The following NSUN3 variants were observed in gnomAD, a reference collection of about 807,000 sequenced individuals.
NSUN3 encodes the protein NOP2/Sun RNA methyltransferase 3.
In NSUN3, 24 loss-of-function variants were observed where a neutral mutation model predicts 36.8. That is an observed-to-expected ratio of 0.65 (90% confidence interval 0.47 to 0.92). The LOEUF (loss-of-function observed/expected upper bound fraction) is 0.92, where lower values mean the gene tolerates loss of function less well. Among genes scored for constraint, NSUN3 ranks in the 40% least tolerant of loss-of-function variants. NSUN3 has a pLI of 0.00. For missense variants in NSUN3, 381 were observed against 392.8 expected (o/e 0.97, Z 0.25); for synonymous variants, 146 against 145.2 (o/e 1.01, Z -0.04).
intron 5 of NSUN3, among the ~76,000 whole-genome samples, chr3:94,117,983 G>A (rs2077447154): frequency 6.6e-6 from 1 of 152,096 alleles, no homozygotes; most frequent in South Asian, 2.1e-4. Context: ...TGTTTAATGG[G>A]TACAAAAATA....
At chr3:94,093,447 C>T (rs990973905) in intron 3 of NSUN3, among the ~76,000 whole-genome samples, 2 of 152,074 alleles carry the variant, frequency 1.3e-5, no homozygotes, top group Non-Finnish European at 2.9e-5. Flanking sequence ...GCCTTGGTAA[C>T]CTGACAGAGA....
At chr3:94,087,395 A>G (rs932913204) in intron 3 of NSUN3, among the ~76,000 whole-genome samples, 6 of 152,180 alleles carry the variant, frequency 3.9e-5, no homozygotes, top group African/African-American at 1.2e-4. Context: ...ATGATTACAA[A>G]GCTTATGTTT....
intron 2 of NSUN3, among the ~76,000 whole-genome samples, chr3:94,080,871 A>T (rs1389021951): frequency 2.6e-5 from 4 of 151,960 alleles, no homozygotes; most frequent in Non-Finnish European, 5.9e-5. Context: ...GCTGAGCAAG[A>T]CCACTTGGCT....
At chr3:94,074,646 A>G (rs2107239237) in intron 2 of NSUN3, among the ~76,000 whole-genome samples, 1 of 152,262 alleles carries the variant, frequency 6.6e-6, no homozygotes, top group South Asian at 2.1e-4. Flanking sequence ...ATTTTTGCAC[A>G]TTGATTTTGT....
At chr3:94,119,452 A>G (rs2077452946) in intron 5 of NSUN3, among the ~76,000 whole-genome samples, 1 of 152,118 alleles carries the variant, frequency 6.6e-6, no homozygotes. Flanking sequence ...GGGGACAGGG[A>G]GATGGTTTCA....
intron 2 of NSUN3, among the ~76,000 whole-genome samples, chr3:94,067,475 A>G (rs1485219208): frequency 1.3e-5 from 2 of 152,210 alleles, no homozygotes; most frequent in African/African-American, 4.8e-5. Context: ...AATTGGTGTC[A>G]GAAGTGAGAG....
chr3:94,089,643 C>G (rs1010442162), intron 3 of NSUN3, among the ~76,000 whole-genome samples: 7 of 152,154 alleles, frequency 4.6e-5, no homozygotes, highest in African/African-American at 1.7e-4. Flanking sequence ...GTGGGGAGCT[C>G]ACCCTTAAGG....
chr3:94,066,251 T>A (rs1218877224), intron 2 of NSUN3, among the ~76,000 whole-genome samples: 1 of 152,186 alleles, frequency 6.6e-6, no homozygotes, highest in Non-Finnish European at 1.5e-5. Flanking sequence ...TCATTTACCC[T>A]ATTGTGGGGT....
chr3:94,122,420 G>A (rs1013480253), intron 5 of NSUN3, among the ~76,000 whole-genome samples: 1 of 151,904 alleles, frequency 6.6e-6, no homozygotes, highest in African/African-American at 2.4e-5. Flanking sequence ...TAAATAATAC[G>A]TTTATTCATT....
chr3:94,108,507 C>A (rs1247384363), intron 5 of NSUN3, among the ~76,000 whole-genome samples: 2 of 151,926 alleles, frequency 1.3e-5, no homozygotes, highest in African/African-American at 2.4e-5. Context: ...ACTACAGGCG[C>A]ACGCCACCAT....
chr3:94,080,549 G>A (rs572101259), intron 2 of NSUN3, among the ~76,000 whole-genome samples: 3 of 152,304 alleles, frequency 2.0e-5, no homozygotes, highest in African/African-American at 7.2e-5. Context: ...AGGGAGAGGG[G>A]GTTTTATCTA....
intron 5 of NSUN3, among the ~76,000 whole-genome samples, chr3:94,102,217 A>C (rs1194347964): frequency 6.6e-6 from 1 of 151,252 alleles, no homozygotes; most frequent in Non-Finnish European, 1.5e-5. Flanking sequence ...AAAAAAAAAA[A>C]AAAAAAAACA....
intron 2 of NSUN3, among the ~76,000 whole-genome samples, chr3:94,079,292 G>C (rs533635360): frequency 6.6e-6 from 1 of 152,328 alleles, no homozygotes; most frequent in Non-Finnish European, 1.5e-5. Flanking sequence ...TCTGCCGAGA[G>C]ATCCACTGTT....
At chr3:94,119,340 T>A (rs1416572825) in intron 5 of NSUN3, among the ~76,000 whole-genome samples, 3 of 152,224 alleles carry the variant, frequency 2.0e-5, no homozygotes, top group Non-Finnish European at 4.4e-5. Context: ...TGATAAATTG[T>A]AATTATAGAG....
chr3:94,097,765 T>G (rs2077349300), intron 5 of NSUN3, among the ~76,000 whole-genome samples: 1 of 152,202 alleles, frequency 6.6e-6, no homozygotes, highest in South Asian at 2.1e-4. Context: ...TTCTCCCTAC[T>G]TCTCAGTTAT....
chr3:94,077,254 A>G (rs550292652), intron 2 of NSUN3: 186 of 603,932 alleles, frequency 3.1e-4, no homozygotes, highest in Non-Finnish European at 5.1e-4. Flanking sequence ...ATTGATTTGC[A>G]TATGTTGAAC....
intron 5 of NSUN3, among the ~76,000 whole-genome samples, chr3:94,124,559 C>T (rs1263180895): frequency 6.6e-6 from 1 of 152,038 alleles, no homozygotes; most frequent in African/African-American, 2.4e-5. Flanking sequence ...TTATATGGTC[C>T]TCCCCTGTAA....
Position 94,128,745 on chromosome 3 carries a change from A to G in NSUN3, c.*2255A>G, listed in dbSNP as rs1425768290. Reference sequence around the variant, plus strand: ...TGGGAGAAATATTTGCAAATTATGCATCTGCCAAAGGTCTAATATCCAGAA... The same window carrying G: ...TGGGAGAAATATTTGCAAATTATGCGTCTGCCAAAGGTCTAATATCCAGAA... On this transcript the variant is annotated 3_prime_UTR_variant, in exon 6 of 6. Coordinates refer to ENST00000314622, the MANE Select transcript of NSUN3 (RefSeq NM_022072.5). Among the ~76,000 whole-genome samples the G allele has an allele frequency of 6.6e-6, 1 of 152,146 alleles. No individual in the cohort carries two copies. Among genetic ancestry groups the G allele is most frequent in the African/African-American group, 2.4e-5 (1 of 41,430 alleles).
At chr3:94,086,787 T>C (rs1267526802) in intron 3 of NSUN3, among the ~76,000 whole-genome samples, 1 of 152,202 alleles carries the variant, frequency 6.6e-6, no homozygotes, top group African/African-American at 2.4e-5. Context: ...TGAGCTGAAG[T>C]TTTGTGGAAT....
Sources: allele counts gnomAD v4.1 joint callset (sites outside exome capture counted in the v4.1 genomes callset), GRCh38; gene constraint gnomAD v4.1.1; transcripts MANE v1.5; gene names NCBI Gene and HGNC (gene_info 2026-07-23, HGNC 2026-07-21).